Variants in CASKIN2 observed in about 807,000 individuals in gnomAD.
CASKIN2 encodes the protein caskin-2.
In CASKIN2, 41 loss-of-function variants were observed where a neutral mutation model predicts 107.1. That is an observed-to-expected ratio of 0.38 (90% CI 0.30 to 0.50). The LOEUF (loss-of-function observed/expected upper bound fraction) is 0.50. Ranked by LOEUF, CASKIN2 falls within the 20% of genes least tolerant of loss-of-function variation. The pLI is 0.92. For synonymous variants in CASKIN2, 724 were observed against 705.6 expected (o/e 1.03, Z -0.41); for missense variants, 1,546 against 1,657.4 (o/e 0.93, Z 1.17).
Position 75,501,817 on chromosome 17 carries a change from G to T in CASKIN2, c.3257C>A (p.Pro1086Gln), listed in dbSNP as rs199651519. 4.5e-6 allele frequency: 7 copies of T among 1,548,602 alleles called. No individual in the cohort carries two copies. In the Middle Eastern group the frequency reaches 1.1e-3, roughly 233 times the overall value. ...CTTGAGGAGGGCAGCAGGGGCGGCC[G>T]GGGGTTCTGTCTCCCCATTCCACCG... ...ASRWNGETEP[P>Q]AAPAALLKVP... The change falls in exon 18 of 20, where the codon CCG becomes CAG. Residue 1086 changes from proline (P) to glutamine (Q), a missense_variant. By Grantham distance (76) the Pro-to-Gln change is moderately conservative. This residue lies in a region of CASKIN2 where 1,311 missense variants were observed against 1,311.0 expected (regional missense o/e 1.00). Transcript: ENST00000321617.
In CASKIN2 at chr17:75,511,668, C is replaced by T. The variant is rs117190242; in HGVS notation, c.94+2043G>A. The stretch of plus-strand genomic sequence containing the variant: ...ACAGTGCCAGGGCCTCATAAGGAAT[C>T]CCAGGCCCCAGTCATGCTGTGCCTG... On this transcript the variant is annotated intron_variant, in intron 2 of 19. Transcript: ENST00000321617. Among the ~76,000 whole-genome samples the T allele has an allele frequency of 5.3e-3, 814 of 152,332 alleles. 8 individuals carry two copies. The highest frequency in any genetic ancestry group is 0.014 in the South Asian group (66 of 4,830).
At position 75,504,618 on chromosome 17, in the gene CASKIN2, T is replaced by G. The variant is rs761536050; in HGVS notation, c.1268A>C (p.Glu423Ala). ...GCCAGGGCCATGGCCATTAGTGCCC[T>G]CAGAGCTCTGCCCGCTGCCGGCACT... ...IRSAGSGQSS[E>A]GTNGHGPGLL... The change falls in exon 12 of 20, where the codon GAG becomes GCG. Residue 423 changes from glutamate (E) to alanine (A), a missense_variant. Around this residue, in one of 6 missense-constraint regions of CASKIN2, gnomAD observed 1,311 missense variants for 1,311.0 expected, o/e 1.00. Transcript: ENST00000321617. 1 of 1,609,170 alleles carries G rather than the reference T, an allele frequency of 6.2e-7. No individual in the cohort carries two copies. Among genetic ancestry groups the G allele is most frequent in the Non-Finnish European group, 8.5e-7 (1 of 1,177,226 alleles).
In CASKIN2 at chr17:75,505,560, G is replaced by A; in HGVS notation, c.927C>T (p.Ile309=). 1 of 1,613,460 alleles carries A rather than the reference G, an allele frequency of 6.2e-7. No individual in the cohort carries two copies. Among genetic ancestry groups the A allele is most frequent in the Non-Finnish European group, 8.5e-7 (1 of 1,179,902 alleles). ...ATGCCTGCTTGGGGTCCCTCACCGT[G>A]ATGACATCCCCTGCCCGGACATTGA... is the stretch of plus-strand genomic sequence containing the variant. ...TALNVRAGDV[I]TVLEQHPDGR... Residue 309 remains isoleucine (I), a synonymous_variant, in exon 10 of 20, where the codon ATC becomes ATT. Coordinates refer to ENST00000321617, the MANE Select transcript of CASKIN2 (RefSeq NM_020753.5). This position sits in a 1 kb window ranked among gnomAD's most constrained non-coding sequence, Gnocchi z 5.1.
rs1598463227 is a variant in CASKIN2 at position 75,502,672 on chromosome 17, A to G, written c.2402T>C (p.Leu801Pro). 2 of 1,587,714 alleles carry G rather than the reference A, an allele frequency of 1.3e-6. No individual in the cohort carries two copies. The highest frequency in any genetic ancestry group is 8.5e-7 in the Non-Finnish European group (1 of 1,170,394). The change falls in exon 18 of 20, where the codon CTA becomes CCA. Residue 801 changes from leucine to proline, a missense_variant. By Grantham distance (98) the Leu-to-Pro change is moderately conservative. Around this residue, in one of 6 missense-constraint regions of CASKIN2, gnomAD observed 1,311 missense variants for 1,311.0 expected, o/e 1.00. Transcript: ENST00000321617. The surrounding 1 kb of genome is among the most constrained non-coding windows in gnomAD (Gnocchi z 4.3). ...PPRPKRRSHS[L>P]SRPGPTEGDA... ...CCCCTCTGTGGGGCCAGGGCGGCTTAGGCTGTGGGACCGGCGCTTAGGTCG... is the reference window on the plus strand; with the variant it reads ...CCCCTCTGTGGGGCCAGGGCGGCTTGGGCTGTGGGACCGGCGCTTAGGTCG...
Position 75,506,729 on chromosome 17 carries a change from C to T in CASKIN2, c.487-16G>A, listed in dbSNP as rs754163821. On this transcript the variant is annotated splice_polypyrimidine_tract_variant and intron_variant, in intron 6 of 19. Transcript: ENST00000321617. This position sits in a 1 kb window ranked among gnomAD's most constrained non-coding sequence, Gnocchi z 4.8. Reference sequence around the variant, plus strand: ...GCTGGGCCACCTGCAGCACCCAGTGCCCAGTTAGAGCCTCCTCCTGAGACC... The same window carrying T: ...GCTGGGCCACCTGCAGCACCCAGTGTCCAGTTAGAGCCTCCTCCTGAGACC... 1 of 1,613,568 alleles carries T rather than the reference C, an allele frequency of 6.2e-7. No individual in the cohort carries two copies. The highest frequency in any genetic ancestry group is 1.1e-5 in the South Asian group (1 of 91,080).
chr17:75,509,613 G>A, intron 2 of CASKIN2: 1 of 985,698 alleles, frequency 1.0e-6, no homozygotes, highest in South Asian at 4.7e-5. Context: ...CCCTTGGAAA[G>A]TCCTTGTCAT....
At chr17:75,515,074 C>T (rs2053345822) in intron 1 of CASKIN2, 1 of 152,378 alleles carries the variant, frequency 6.6e-6, no homozygotes, top group African/African-American at 2.4e-5. Context: ...CAGGGGCACT[C>T]CCACGCGGAG....
chr17:75,503,831 C>A (rs1329359582), intron 15 of CASKIN2, 21 bp downstream of exon 15: 2 of 1,611,664 alleles, frequency 1.2e-6, no homozygotes, highest in South Asian at 2.2e-5. Flanking sequence ...CTGGGTGCTG[C>A]TTCCCGGCTG....
intron 2 of CASKIN2, among the ~76,000 whole-genome samples, chr17:75,510,105 C>T (rs781326597): frequency 8.5e-5 from 13 of 152,204 alleles, no homozygotes; most frequent in Non-Finnish European, 4.4e-5. Flanking sequence ...GGAAGGGTGG[C>T]TCCTGATTTA....
chr17:75,504,469 A>G lies in CASKIN2; in HGVS notation c.1326T>C (p.Ser442=). ...CTGGCAGCACCTGGTCCTCTCCAGCAGAGGGCAGTGGCTGGAGGAGACAGG... is the reference window on the plus strand; with the variant it reads ...CTGGCAGCACCTGGTCCTCTCCAGCGGAGGGCAGTGGCTGGAGGAGACAGG... ...LLIENAQPLP[S]AGEDQVLPGL... The change falls in exon 13 of 20, where the codon TCT becomes TCC. Residue 442 remains serine, a synonymous_variant. Transcript: ENST00000321617. 1 of 1,607,858 alleles carries G rather than the reference A, an allele frequency of 6.2e-7. No individual in the cohort carries two copies. Among genetic ancestry groups the G allele is most frequent in the Non-Finnish European group, 8.5e-7 (1 of 1,175,886 alleles).
At position 75,506,944 on chromosome 17, in the gene CASKIN2, C is replaced by CCCTG. The variant is rs2053272029; in HGVS notation, c.390+36_390+39dup. ...GGGGCCTGGCCTGTCCGGCACCCCA[C>CCCTG]CCTGCCCTGCGCCACGCCCCTGTGG... is the stretch of plus-strand genomic sequence containing the variant. On this transcript the variant is annotated intron_variant, in intron 5 of 19. Coordinates refer to ENST00000321617, the MANE Select transcript of CASKIN2 (RefSeq NM_020753.5). This position sits in a 1 kb window ranked among gnomAD's most constrained non-coding sequence, Gnocchi z 4.8. 6 of 1,612,190 alleles carry CCCTG rather than the reference C, an allele frequency of 3.7e-6. No homozygotes were observed. In the South Asian group the frequency reaches 4.4e-5, roughly 12 times the overall value.
At chr17:75,509,129 T>G (rs1340884118) in intron 2 of CASKIN2, among the ~76,000 whole-genome samples, 1 of 152,206 alleles carries the variant, frequency 6.6e-6, no homozygotes, top group Non-Finnish European at 1.5e-5. Flanking sequence ...CTCTGCAGGT[T>G]GGTGGCAAGA....
At position 75,506,005 on chromosome 17, in the gene CASKIN2, C is replaced by A. The variant is rs934858594; in HGVS notation, c.727-76G>T. The A allele has an allele frequency of 7.8e-6, 10 of 1,281,024 alleles. No homozygotes were observed. Among genetic ancestry groups the A allele is most frequent in the Admixed American group, 5.8e-5 (3 of 51,806 alleles). The allele number at this position is 1,281,024 out of a possible 1,614,324, so 79.4% of individuals were successfully genotyped here. A position where few individuals can be genotyped will look rare whatever the true frequency, so the allele number is the denominator to read the frequency against. Reference sequence around the variant, plus strand: ...ACCCGATTCTCTCAGCTACCCGGGACATAGGTACTATTACCATTTTCCGAT... The same window carrying A: ...ACCCGATTCTCTCAGCTACCCGGGAAATAGGTACTATTACCATTTTCCGAT... On this transcript the variant is annotated intron_variant, in intron 8 of 19. Coordinates refer to ENST00000321617, the MANE Select transcript of CASKIN2 (RefSeq NM_020753.5). The surrounding 1 kb of genome is among the most constrained non-coding windows in gnomAD (Gnocchi z 4.8).
rs868219326 is a variant in CASKIN2 at position 75,503,865 on chromosome 17, C to A, written c.1565G>T (p.Arg522Leu). The A allele has an allele frequency of 1.2e-6, 2 of 1,612,556 alleles. No homozygotes were observed. Among genetic ancestry groups the A allele is most frequent in the Non-Finnish European group, 1.7e-6 (2 of 1,179,834 alleles). Residue 522 changes from arginine to leucine, a missense_variant, in exon 15 of 20, where the codon CGC becomes CTC. Arg to Leu is a moderately radical substitution (Grantham distance 102). Transcript: ENST00000321617. ...TGCAGCACCCACCTCAGGTGTCATG[C>A]GGCTGATGGTAGGCACATCATAGCC... is the stretch of plus-strand genomic sequence containing the variant. ...QAGYDVPTIS[R>L]MTPEDLTAIG...
At chr17:75,507,268 C>T (rs752086277) in intron 4 of CASKIN2, 139 bp from the exon 5 acceptor site, 102 of 1,039,996 alleles carry the variant, frequency 9.8e-5, no homozygotes, top group Non-Finnish European at 1.3e-4. Context: ...TCCAGGTGTG[C>T]TTAGGAAGAG....
chr17:75,514,060 A>G lies in CASKIN2; in HGVS notation c.-256T>C. On this transcript the variant is annotated 5_prime_UTR_variant, in exon 2 of 20. Coordinates refer to ENST00000321617, the MANE Select transcript of CASKIN2 (RefSeq NM_020753.5). ...AGGCTACATGGAAATCTGGATGGAT[A>G]TCAGCTTGTGGCTTCCGACAGCTCC... is the stretch of plus-strand genomic sequence containing the variant. 1 of 583,154 alleles carries G rather than the reference A, an allele frequency of 1.7e-6. No homozygotes were observed. The highest frequency in any genetic ancestry group is 3.1e-6 in the Non-Finnish European group (1 of 327,488). 36.1% of individuals were successfully genotyped at this position (583,154 alleles called of 1,614,324 possible). A position where few individuals can be genotyped will look rare whatever the true frequency, so the allele number is the denominator to read the frequency against.
intron 19 of CASKIN2, 21 bp from the exon 20 acceptor site, chr17:75,501,191 C>T (rs76518474): frequency 0.051 from 78,837 of 1,561,050 alleles, 2,245 homozygotes; most frequent in Middle Eastern, 0.12. Context: ...GGGAAGGATG[C>T]GGTCAGATCA....
rs752677542 is a variant in CASKIN2 at position 75,503,824 on chromosome 17, G to A, written c.1578+28C>T. 5 of 1,611,470 alleles carry A rather than the reference G, an allele frequency of 3.1e-6. No homozygotes were observed. The African/African-American group carries it at 4.0e-5, about 13-fold the overall frequency. Reference sequence around the variant, plus strand: ...CTGCTGGGCCCTCCCCCGCCCGCTGGGTGCTGCTTCCCGGCTGCAGCACCC... The same window carrying A: ...CTGCTGGGCCCTCCCCCGCCCGCTGAGTGCTGCTTCCCGGCTGCAGCACCC... On this transcript the variant is annotated intron_variant, in intron 15 of 19. Transcript: ENST00000321617.
intron 17 of CASKIN2, 28 bp downstream of exon 17, chr17:75,503,361 C>T (rs1280720531): frequency 6.3e-7 from 1 of 1,599,766 alleles, no homozygotes; most frequent in Non-Finnish European, 8.5e-7. Context: ...CAGGTGGGGG[C>T]CCAGCCAGGC....
Sources: gnomAD v4.1 joint callset for allele counts (sites outside exome capture counted in the v4.1 genomes callset) on GRCh38, gnomAD v4.1.1 for gene constraint, gnomAD v4.1.1 regional missense constraint, Gnocchi (gnomAD v3.1) non-coding constraint, MANE v1.5 for transcripts, NCBI Gene and HGNC (gene_info 2026-07-23, HGNC 2026-07-21) for gene names.